Variants in PPEF1 observed in about 807,000 individuals in gnomAD.
PPEF1 encodes the protein protein phosphatase with EF-hand domain 1.
In PPEF1, 12 loss-of-function variants were observed where a neutral mutation model predicts 53.3. That is an observed-to-expected ratio of 0.23 (90% CI 0.14 to 0.36). The LOEUF (loss-of-function observed/expected upper bound fraction) is 0.36. Ranked by LOEUF, PPEF1 falls within the 10% of genes least tolerant of loss-of-function variation. The probability of loss-of-function intolerance (pLI) is 1.00; values close to 1 mark genes in which losing one functional copy is unlikely to be tolerated. For synonymous variants in PPEF1, 165 were observed against 176.7 expected, an observed-to-expected ratio of 0.93 and a Z score of 0.52; for missense variants, 334 against 490.4, an observed-to-expected ratio of 0.68 and a Z score of 3.01.
At chrX:18,692,922 A>C (rs1929489283) in intron 4 of PPEF1, among the ~76,000 whole-genome samples, 1 of 112,007 alleles carries the variant, frequency 8.9e-6, no homozygotes, top group Non-Finnish European at 1.9e-5. Flanking sequence ...ATGGACAGTG[A>C]CATAGTTTGA....
At chrX:18,790,253 A>T (rs2046300340) in intron 10 of PPEF1, among the ~76,000 whole-genome samples, 1 of 111,862 alleles carries the variant, frequency 8.9e-6, no homozygotes, top group Admixed American at 9.5e-5. Flanking sequence ...TCTTTGGAGA[A>T]TTGTCTATTC....
intron 12 of PPEF1, among the ~76,000 whole-genome samples, chrX:18,812,020 T>G (rs950783993): frequency 9.0e-6 from 1 of 111,622 alleles, no homozygotes; most frequent in Non-Finnish European, 1.9e-5. Context: ...GAAATCCAAT[T>G]TATGTGCTTT....
At chrX:18,798,061 T>C (rs1327869216) in intron 10 of PPEF1, among the ~76,000 whole-genome samples, 1 of 110,024 alleles carries the variant, frequency 9.1e-6, no homozygotes, top group African/African-American at 3.4e-5. Flanking sequence ...AAAACTGGAC[T>C]TGGGGACAAA....
At chrX:18,692,206 A>G (rs1013813636) in intron 4 of PPEF1, among the ~76,000 whole-genome samples, 6 of 112,285 alleles carry the variant, frequency 5.3e-5, no homozygotes, top group Non-Finnish European at 1.1e-4. Flanking sequence ...AGGTCTCACA[A>G]GTACTGAAAT....
At chrX:18,769,616 C>CT (rs1166801011) in intron 6 of PPEF1, among the ~76,000 whole-genome samples, 1 of 111,144 alleles carries the variant, frequency 9.0e-6, no homozygotes, top group Non-Finnish European at 1.9e-5. Context: ...CCTTGTTTTC[C>CT]TTTTTTTTCT....
chrX:18,793,900 G>A (rs1464007610), intron 10 of PPEF1, among the ~76,000 whole-genome samples: 3 of 111,548 alleles, frequency 2.7e-5, no homozygotes, highest in Non-Finnish European at 5.6e-5. Context: ...ACTCTTCACA[G>A]AGTGCTGCCT....
intron 4 of PPEF1, among the ~76,000 whole-genome samples, chrX:18,751,517 T>C (rs899331953): frequency 8.9e-6 from 1 of 112,197 alleles, no homozygotes; most frequent in African/African-American, 3.2e-5. Flanking sequence ...CAGTGGCTCA[T>C]GCTTGTAATC....
chrX:18,725,592 A>G (rs2044687889), intron 1 of PPEF1, among the ~76,000 whole-genome samples: 1 of 111,815 alleles, frequency 8.9e-6, no homozygotes, highest in South Asian at 3.7e-4. Flanking sequence ...AGAGCCTCAC[A>G]GGGGGCAACT....
intron 6 of PPEF1, among the ~76,000 whole-genome samples, chrX:18,766,380 G>A (rs1481273778): frequency 9.0e-6 from 1 of 111,481 alleles, no homozygotes; most frequent in Middle Eastern, 4.2e-3. Flanking sequence ...TGGATGTACT[G>A]TGGCCTAAAA....
At chrX:18,723,514 C>A (rs2044635069) in intron 1 of PPEF1, among the ~76,000 whole-genome samples, 1 of 111,374 alleles carries the variant, frequency 9.0e-6, no homozygotes, top group East Asian at 2.8e-4. Context: ...ATTACAACAC[C>A]CCTAGAAGGT....
chrX:18,823,484 G>A (rs958852685), intron 13 of PPEF1, among the ~76,000 whole-genome samples: 2 of 109,232 alleles, frequency 1.8e-5, no homozygotes, highest in Admixed American at 1.0e-4. Context: ...AAAATTAGCC[G>A]GGTATGGTGG....
chrX:18,825,056 A>G (rs775278079), intron 14 of PPEF1, among the ~76,000 whole-genome samples: 2 of 89,778 alleles, frequency 2.2e-5, no homozygotes, highest in African/African-American at 8.8e-5. Context: ...ATGACCCAGA[A>G]TATGTCTGAA....
intron 10 of PPEF1, among the ~76,000 whole-genome samples, chrX:18,797,706 A>G (rs937647874): frequency 9.9e-5 from 11 of 110,724 alleles, no homozygotes; most frequent in Non-Finnish European, 1.9e-4. Flanking sequence ...CTTTTTTATT[A>G]TTATTATTAT....
chrX:18,699,371 G>A (rs1012166324), intron 5 of PPEF1, among the ~76,000 whole-genome samples: 1 of 111,761 alleles, frequency 8.9e-6, no homozygotes, highest in African/African-American at 3.3e-5. Flanking sequence ...GAGCAGCTTG[G>A]GTGGGGTTAT....
At chrX:18,827,207 G>A in intron 15 of PPEF1, 69 bp from the exon 16 acceptor site, 3 of 941,152 alleles carry the variant, frequency 3.2e-6, no homozygotes, top group Non-Finnish European at 4.5e-6. Context: ...AATCAGTGTG[G>A]GTTCCCCAAC....
At chrX:18,777,487 GTTTTTCTTTTCTTTTCT>G (rs997792956) in intron 6 of PPEF1, among the ~76,000 whole-genome samples, 7 of 111,813 alleles carry the variant, frequency 6.3e-5, no homozygotes, top group Admixed American at 3.8e-4. Context: ...TAGCCATTTT[GTTTTTCTTTTCTTTTCT>G]TTTTTCTTTT....
At chrX:18,824,725 G>A (rs961155955) in intron 14 of PPEF1, among the ~76,000 whole-genome samples, 2 of 109,927 alleles carry the variant, frequency 1.8e-5, no homozygotes, top group Non-Finnish European at 3.8e-5. Context: ...GTGCAGTGGT[G>A]CAGTCTCGGC....
At chrX:18,751,945 T>C (rs1182536695) in intron 4 of PPEF1, among the ~76,000 whole-genome samples, 1 of 112,399 alleles carries the variant, frequency 8.9e-6, no homozygotes, top group Non-Finnish European at 1.9e-5. Flanking sequence ...CCTTCAACTT[T>C]GTTCTTTTGC....
chrX:18,730,573 T>C (rs2044813686), intron 2 of PPEF1, among the ~76,000 whole-genome samples: 1 of 111,592 alleles, frequency 9.0e-6, no homozygotes, highest in Admixed American at 9.6e-5. Flanking sequence ...TTATTCTATT[T>C]TGGGGCAGAT....
Sources: allele counts gnomAD v4.1 joint callset (sites outside exome capture counted in the v4.1 genomes callset), GRCh38; gene constraint gnomAD v4.1.1; transcripts MANE v1.5; gene names NCBI Gene and HGNC (gene_info 2026-07-23, HGNC 2026-07-21).